RFTN2: variants seen among roughly 807,000 people sequenced by gnomAD.
The protein encoded by RFTN2 is raftlin family member 2.
A neutral mutation model predicts 52.7 loss-of-function variants in RFTN2; 34 were observed. The ratio of observed to expected loss-of-function variants is 0.64; its 90% CI spans 0.49 to 0.86. The LOEUF is 0.86. RFTN2 is among the 40% of genes least tolerant of loss of function. The pLI is 0.00. For synonymous variants in RFTN2, 203 were observed against 217.7 expected (o/e 0.93, Z 0.59); for missense variants, 536 against 600.1 (o/e 0.89, Z 1.12).
At position 197,644,199 on chromosome 2, in the gene RFTN2, C is replaced by T. The variant is rs1249055678; in HGVS notation, c.397G>A (p.Glu133Lys). The T allele has an allele frequency of 4.0e-5, 64 of 1,613,370 alleles. No homozygotes were observed. Among genetic ancestry groups the T allele is most frequent in the Non-Finnish European group, 5.3e-5 (63 of 1,179,440 alleles). Residue 133 changes from glutamate (E) to lysine (K), a missense_variant, in exon 3 of 9, where the codon GAG becomes AAG. By Grantham distance (56) the Glu-to-Lys change is moderately conservative. Coordinates refer to ENST00000295049, the MANE Select transcript of RFTN2 (RefSeq NM_144629.3). ...LVIEECPLTS[E>K]AQTNDAAKEL... ...TTTGCTGCGTCATTTGTTTGTGCCT[C>T]AGAAGTTAGGGGACATTCCTCAATC...
intron 5 of RFTN2, among the ~76,000 whole-genome samples, chr2:197,628,638 G>C (rs1275960012): frequency 2.6e-5 from 4 of 152,154 alleles, no homozygotes; most frequent in African/African-American, 7.2e-5. Context: ...GAGAGAGAGA[G>C]AGAGATATTA....
At position 197,592,313 on chromosome 2, in the gene RFTN2, A is replaced by G. The variant is rs199634133; in HGVS notation, c.1233+3678T>C. 1.1e-4 allele frequency among the ~76,000 whole-genome samples: 16 copies of G among 152,284 alleles called. No individual in the cohort carries two copies. The East Asian group carries it at 3.1e-3, about 29-fold the overall frequency. On this transcript the variant is annotated intron_variant, in intron 8 of 8. Transcript: ENST00000295049. The stretch of plus-strand genomic sequence containing the variant: ...CAGGTTCAAGCAATTCTCCTGCCTC[A>G]GCTTCCTGAGTAGCTGGGATTACAG...
intron 7 of RFTN2, among the ~76,000 whole-genome samples, chr2:197,607,978 A>C (rs2087989493): frequency 6.6e-6 from 1 of 152,280 alleles, no homozygotes; most frequent in Non-Finnish European, 1.5e-5. Flanking sequence ...CAGCAAGATT[A>C]CTATGAGTTT....
intron 1 of RFTN2, among the ~76,000 whole-genome samples, chr2:197,662,866 T>C (rs765635211): frequency 4.6e-5 from 7 of 152,168 alleles, no homozygotes; most frequent in Admixed American, 6.5e-5. Flanking sequence ...TTGAGTCAAG[T>C]GATCCTCCCA....
chr2:197,632,852 C>T (rs1170669487), intron 4 of RFTN2, among the ~76,000 whole-genome samples: 1 of 152,144 alleles, frequency 6.6e-6, no homozygotes, highest in Non-Finnish European at 1.5e-5. Context: ...TCCTCCAGTG[C>T]CAACACTGAT....
At chr2:197,594,969 C>G (rs748696203) in intron 8 of RFTN2, among the ~76,000 whole-genome samples, 1 of 152,132 alleles carries the variant, frequency 6.6e-6, no homozygotes, top group Non-Finnish European at 1.5e-5. Context: ...AAACATAAAA[C>G]AACGTTTTCT....
At chr2:197,631,884 G>A (rs1189690212) in intron 4 of RFTN2, among the ~76,000 whole-genome samples, 6 of 152,066 alleles carry the variant, frequency 3.9e-5, no homozygotes, top group Admixed American at 6.6e-5. Flanking sequence ...TAACATCACC[G>A]GTATGACAGA....
intron 7 of RFTN2, among the ~76,000 whole-genome samples, chr2:197,599,083 C>T (rs1454481121): frequency 6.6e-6 from 1 of 152,032 alleles, no homozygotes; most frequent in Non-Finnish European, 1.5e-5. Flanking sequence ...TCCCGAGTAG[C>T]TGGGACTACA....
At chr2:197,575,813 A>AATATATT in intron 8 of RFTN2, among the ~76,000 whole-genome samples, 1 of 118,984 alleles carries the variant, frequency 8.4e-6, no homozygotes, top group Admixed American at 9.6e-5. Context: ...TTATATACAT[A>AATATATT]ATATATATTC....
At chr2:197,620,564 T>A (rs1227869057) in intron 5 of RFTN2, among the ~76,000 whole-genome samples, 1 of 152,244 alleles carries the variant, frequency 6.6e-6, no homozygotes, top group Non-Finnish European at 1.5e-5. Context: ...TTAATTTTCA[T>A]TATCAGGCTA....
Position 197,571,927 on chromosome 2 carries a change from C to T in RFTN2, c.*81G>A. 1 of 1,416,890 alleles carries T rather than the reference C, an allele frequency of 7.1e-7. No individual in the cohort carries two copies. Among genetic ancestry groups the T allele is most frequent in the Non-Finnish European group, 9.8e-7 (1 of 1,023,172 alleles). 87.8% of individuals were successfully genotyped at this position (1,416,890 alleles called of 1,614,324 possible). On this transcript the variant is annotated 3_prime_UTR_variant, in exon 9 of 9. Transcript: ENST00000295049. Reference sequence around the variant, plus strand: ...AAAATTCAAAAATATTACATAAATGCAGAGAAAGTAATACAATAAGGTCAG... The same window carrying T: ...AAAATTCAAAAATATTACATAAATGTAGAGAAAGTAATACAATAAGGTCAG...
chr2:197,579,976 G>C (rs1190371274), intron 8 of RFTN2, among the ~76,000 whole-genome samples: 1 of 152,048 alleles, frequency 6.6e-6, no homozygotes, highest in East Asian at 1.9e-4. Flanking sequence ...CAAGGTTAAT[G>C]CTCCTTTTTC....
intron 6 of RFTN2, among the ~76,000 whole-genome samples, chr2:197,616,215 T>G (rs1460435361): frequency 3.3e-5 from 5 of 150,798 alleles, no homozygotes; most frequent in African/African-American, 7.3e-5. Flanking sequence ...TTGGTCTTGT[T>G]AGGGCAGTGG....
chr2:197,572,773 T>G (rs2087340529), intron 8 of RFTN2, among the ~76,000 whole-genome samples: 1 of 152,090 alleles, frequency 6.6e-6, no homozygotes, highest in Non-Finnish European at 1.5e-5. Context: ...AATCTCATCT[T>G]GAATTGTAAC....
chr2:197,641,299 C>G (rs954346158), intron 3 of RFTN2, among the ~76,000 whole-genome samples: 2 of 152,122 alleles, frequency 1.3e-5, no homozygotes, highest in East Asian at 1.9e-4. Context: ...GGAGCTAGGA[C>G]AAGGGACTGG....
chr2:197,643,177 A>C (rs1331010831), intron 3 of RFTN2, among the ~76,000 whole-genome samples: 1 of 152,006 alleles, frequency 6.6e-6, no homozygotes, highest in Non-Finnish European at 1.5e-5. Flanking sequence ...GCTCACTTCT[A>C]GGCTCAGGTG....
At chr2:197,664,804 A>T (rs1187667271) in intron 1 of RFTN2, among the ~76,000 whole-genome samples, 3 of 151,890 alleles carry the variant, frequency 2.0e-5, no homozygotes, top group African/African-American at 7.3e-5. Flanking sequence ...TTTTGTTGAG[A>T]CTCATTTTCT....
At chr2:197,572,318 AG>A in intron 8 of RFTN2, 38 bp from the exon 9 acceptor site, 2 of 1,602,298 alleles carry the variant, frequency 1.2e-6, no homozygotes, top group African/African-American at 1.3e-5. Context: ...AGAGTTAAAA[AG>A]ATGGGTGTTT....
intron 3 of RFTN2, among the ~76,000 whole-genome samples, chr2:197,636,073 C>T (rs1392153598): frequency 6.6e-6 from 1 of 151,020 alleles, no homozygotes; most frequent in Non-Finnish European, 1.5e-5. Flanking sequence ...TTTCTGAGGG[C>T]TCTGTTCTGT....
Sources: gnomAD v4.1 joint callset for allele counts (sites outside exome capture counted in the v4.1 genomes callset) on GRCh38, gnomAD v4.1.1 for gene constraint, MANE v1.5 for transcripts, NCBI Gene and HGNC (gene_info 2026-07-23, HGNC 2026-07-21) for gene names.